The following BLK variants were observed in gnomAD, a reference collection of about 807,000 sequenced individuals.
BLK encodes tyrosine-protein kinase Blk.
In BLK, 64 loss-of-function variants were observed where a neutral mutation model predicts 61.8. The ratio of observed to expected loss-of-function variants is 1.03; its 90% CI spans 0.85 to 1.27. The LOEUF (loss-of-function observed/expected upper bound fraction) is 1.27, where lower values mean the gene tolerates loss of function less well. Among genes scored for constraint, BLK ranks in the 50% most tolerant of loss-of-function variants. BLK has a pLI of 0.00. For synonymous variants in BLK, 351 were observed against 272.0 expected, an observed-to-expected ratio of 1.29 and a Z score of -2.86; for missense variants, 853 against 660.5, an observed-to-expected ratio of 1.29 and a Z score of -3.19.
At chr8:11,551,108 T>C (rs1800879697) in intron 6 of BLK, among the ~76,000 whole-genome samples, 1 of 152,140 alleles carries the variant, frequency 6.6e-6, no homozygotes, top group South Asian at 2.1e-4. Context: ...CTTGTCTGTT[T>C]TTTCAGCTTG....
chr8:11,552,759 G>A (rs542692848), intron 6 of BLK: 2 of 152,326 alleles, frequency 1.3e-5, no homozygotes, highest in South Asian at 4.1e-4. Context: ...TGGTGTGGAG[G>A]AAGAAGGGGT....
At chr8:11,526,832 T>C (rs1345686902) in intron 1 of BLK, among the ~76,000 whole-genome samples, 1 of 152,232 alleles carries the variant, frequency 6.6e-6, no homozygotes, top group Non-Finnish European at 1.5e-5. Context: ...ACTACAATAA[T>C]ATAACTATGT....
Position 11,494,394 on chromosome 8 carries a change from G to C in BLK, c.-199G>C, listed in dbSNP as rs929299196. The C allele has an allele frequency of 6.6e-6, 1 of 152,288 alleles. No individual in the cohort carries two copies. The highest frequency in any genetic ancestry group is 2.4e-5 in the African/African-American group (1 of 41,450). 9.4% of individuals were successfully genotyped at this position (152,288 alleles called of 1,614,324 possible). On this transcript the variant is annotated 5_prime_UTR_variant, in exon 1 of 13. Coordinates refer to ENST00000259089, the MANE Select transcript of BLK (RefSeq NM_001715.3). Reference sequence around the variant, plus strand: ...TGGGGAGGCTCTGATCGCAGACCGGGGGTGCTGCCACCTCTGTCTGCTGCC... The same window carrying C: ...TGGGGAGGCTCTGATCGCAGACCGGCGGTGCTGCCACCTCTGTCTGCTGCC...
chr8:11,531,319 A>G (rs1799878190), intron 1 of BLK, among the ~76,000 whole-genome samples: 2 of 152,128 alleles, frequency 1.3e-5, no homozygotes, highest in South Asian at 4.1e-4. Context: ...TGAAAAGTCT[A>G]ATTTATCAAT....
chr8:11,556,521 G>A (rs1290499060), intron 8 of BLK, 137 bp from the exon 9 acceptor site: 2 of 1,040,726 alleles, frequency 1.9e-6, no homozygotes, highest in East Asian at 2.5e-5. Flanking sequence ...CACAACCATG[G>A]CCTCCGGAAC....
At position 11,520,658 on chromosome 8, in the gene BLK, C is replaced by T. The variant is rs77169032; in HGVS notation, c.-1-22566C>T. Reference sequence around the variant, plus strand: ...TATAGCCAGATTCAGAAGTGAGAGACGCCTGCTAACATTGAGATAATTTAA... The same window carrying T: ...TATAGCCAGATTCAGAAGTGAGAGATGCCTGCTAACATTGAGATAATTTAA... On this transcript the variant is annotated intron_variant, in intron 1 of 12. Coordinates refer to ENST00000259089, the MANE Select transcript of BLK (RefSeq NM_001715.3). Among the ~76,000 whole-genome samples, 24 of 152,144 alleles carry T rather than the reference C, an allele frequency of 1.6e-4. 1 individual carries two copies. The East Asian group carries it at 3.7e-3, about 23-fold the overall frequency.
intron 1 of BLK, among the ~76,000 whole-genome samples, chr8:11,527,308 T>A (rs1026409563): frequency 1.3e-5 from 2 of 152,214 alleles, no homozygotes; most frequent in Non-Finnish European, 2.9e-5. Flanking sequence ...TATGCATTTT[T>A]GCAAATATAT....
chr8:11,536,891 T>C (rs1305649025), intron 1 of BLK, among the ~76,000 whole-genome samples: 1 of 152,232 alleles, frequency 6.6e-6, no homozygotes, highest in Non-Finnish European at 1.5e-5. Context: ...ATGCCCACTC[T>C]GAACTGATGG....
intron 1 of BLK, among the ~76,000 whole-genome samples, chr8:11,524,989 T>C (rs1199176989): frequency 6.6e-6 from 1 of 151,928 alleles, no homozygotes; most frequent in Non-Finnish European, 1.5e-5. Flanking sequence ...GATGATGGCA[T>C]TGGAGTTAAT....
chr8:11,549,979 G>A, intron 5 of BLK, 180 bp from the exon 6 acceptor site: 1 of 664,310 alleles, frequency 1.5e-6, no homozygotes, highest in Admixed American at 2.1e-5. Context: ...AACTGGAAGG[G>A]CAGCGGGGCA....
intron 1 of BLK, among the ~76,000 whole-genome samples, chr8:11,536,369 G>C (rs1020192246): frequency 1.3e-5 from 2 of 152,108 alleles, no homozygotes; most frequent in Non-Finnish European, 2.9e-5. Flanking sequence ...GAGTGTAGAA[G>C]AGTTCTATTA....
At chr8:11,528,198 G>T (rs1799746617) in intron 1 of BLK, among the ~76,000 whole-genome samples, 1 of 151,962 alleles carries the variant, frequency 6.6e-6, no homozygotes, top group African/African-American at 2.4e-5. Context: ...CTCCATGCCT[G>T]GCTAATTTTT....
intron 1 of BLK, among the ~76,000 whole-genome samples, chr8:11,499,007 T>C (rs1798462866): frequency 6.6e-6 from 1 of 152,206 alleles, no homozygotes; most frequent in South Asian, 2.1e-4. Context: ...AAGGAGAGCA[T>C]GGTGTTGTTG....
chr8:11,532,310 T>C (rs1799922141), intron 1 of BLK, among the ~76,000 whole-genome samples: 1 of 151,432 alleles, frequency 6.6e-6, no homozygotes, highest in Admixed American at 6.6e-5. Flanking sequence ...GCAATTCTCC[T>C]GCCTCAGGCT....
At position 11,564,384 on chromosome 8, in the gene BLK, G is replaced by A. The variant is rs1200133234; in HGVS notation, c.*276G>A. On this transcript the variant is annotated 3_prime_UTR_variant, in exon 13 of 13. Coordinates refer to ENST00000259089, the MANE Select transcript of BLK (RefSeq NM_001715.3). ...ATCCGGAGTACTAAGCCCCAGTAAG[G>A]TGTTCAGGACTGGTAAGCGACTGTC... The A allele has an allele frequency of 1.5e-6, 1 of 669,146 alleles. No homozygotes were observed. Among genetic ancestry groups the A allele is most frequent in the African/African-American group, 1.8e-5 (1 of 56,718 alleles). The allele number at this position is 669,146 out of a possible 1,614,324, so 41.5% of individuals were successfully genotyped here. A position where few individuals can be genotyped will look rare whatever the true frequency, so the allele number is the denominator to read the frequency against.
chr8:11,510,816 A>ATAC (rs1798972616), intron 1 of BLK, among the ~76,000 whole-genome samples: 20 of 128,550 alleles, frequency 1.6e-4, no homozygotes, highest in Admixed American at 9.2e-4. Context: ...TAAATAAATA[A>ATAC]ATACATAAAT....
chr8:11,556,478 A>G (rs1801230220), intron 8 of BLK, 180 bp from the exon 9 acceptor site: 1 of 726,484 alleles, frequency 1.4e-6, no homozygotes, highest in Non-Finnish European at 2.4e-6. Flanking sequence ...GAGGCCCCAT[A>G]TAGAAGGGAC....
At chr8:11,550,127 T>G in intron 5 of BLK, 32 bp from the exon 6 acceptor site, 1 of 1,595,770 alleles carries the variant, frequency 6.3e-7, no homozygotes, top group Middle Eastern at 1.7e-4. Context: ...GCAGGGTCGC[T>G]CTGAGTTTCA....
At chr8:11,506,644 G>T (rs1798779406) in intron 1 of BLK, among the ~76,000 whole-genome samples, 1 of 152,190 alleles carries the variant, frequency 6.6e-6, no homozygotes, top group Admixed American at 6.5e-5. Flanking sequence ...TCTCCAGGGT[G>T]GGGTCTAAGT....
Sources: gnomAD v4.1 joint callset for allele counts (sites outside exome capture counted in the v4.1 genomes callset) on GRCh38, gnomAD v4.1.1 for gene constraint, MANE v1.5 for transcripts, NCBI Gene and HGNC (gene_info 2026-07-23, HGNC 2026-07-21) for gene names.